The following SPECC1 variants were observed in gnomAD, a reference collection of about 807,000 sequenced individuals.
SPECC1 encodes sperm antigen with calponin homology and coiled-coil domains 1.
Under a neutral mutation model 104.1 loss-of-function variants are expected in SPECC1, and 62 were observed. That is an observed-to-expected ratio of 0.60 (90% CI 0.49 to 0.74). The LOEUF is 0.74. SPECC1 is among the 30% of genes least tolerant of loss of function. The pLI, the probability that SPECC1 is intolerant of heterozygous loss-of-function variation, is 0.00. For synonymous variants in SPECC1, 513 were observed against 501.6 expected (o/e 1.02, Z -0.30); for missense variants, 1,306 against 1,310.5 (o/e 1.00, Z 0.05).
chr17:20,298,037 A>T (rs1464548044), intron 13 of SPECC1, among the ~76,000 whole-genome samples: 1 of 152,182 alleles, frequency 6.6e-6, no homozygotes, highest in East Asian at 1.9e-4. Flanking sequence ...TAGACCAGGG[A>T]GACTGCAGCG....
At chr17:20,161,464 T>A (rs1475831273) in intron 3 of SPECC1, among the ~76,000 whole-genome samples, 1 of 151,720 alleles carries the variant, frequency 6.6e-6, no homozygotes, top group East Asian at 1.9e-4. Context: ...GCATCATTTA[T>A]AGGTTAATTC....
At chr17:20,080,390 C>T (rs935272107) in intron 1 of SPECC1, among the ~76,000 whole-genome samples, 1 of 152,074 alleles carries the variant, frequency 6.6e-6, no homozygotes, top group Non-Finnish European at 1.5e-5. Context: ...TGTTTAATTA[C>T]AAGCGTGAGA....
At chr17:20,259,346 G>A (rs1366495074) in intron 11 of SPECC1, among the ~76,000 whole-genome samples, 1 of 152,044 alleles carries the variant, frequency 6.6e-6, no homozygotes, top group African/African-American at 2.4e-5. Context: ...CATACAAAAA[G>A]GCTATATGTA....
chr17:20,300,703 G>C lies in SPECC1; in HGVS notation c.3057+3626G>C, dbSNP rs530410247. 3.5e-3 allele frequency among the ~76,000 whole-genome samples: 540 copies of C among 152,372 alleles called. 4 individuals carry two copies. The highest frequency in any genetic ancestry group is 0.012 in the African/African-American group (509 of 41,586). On this transcript the variant is annotated intron_variant, in intron 13 of 14. Coordinates refer to ENST00000395527, the MANE Select transcript of SPECC1 (RefSeq NM_001243439.2). ...GCGCAGAGGCTCCGCCAGCTGCCCA[G>C]GCCTCCCGCAGCCGTGGCAGCATGC...
chr17:20,152,814 C>T (rs1363375911), intron 3 of SPECC1, among the ~76,000 whole-genome samples: 2 of 152,122 alleles, frequency 1.3e-5, no homozygotes, highest in Non-Finnish European at 2.9e-5. Flanking sequence ...ACTAGAGGCA[C>T]GTGCCACCAC....
At chr17:20,110,672 C>T in intron 3 of SPECC1, 110 bp downstream of exon 3, 1 of 1,288,596 alleles carries the variant, frequency 7.8e-7, no homozygotes, top group African/African-American at 1.5e-5. Flanking sequence ...TATTTCTTGA[C>T]CACTTACCCT....
intron 1 of SPECC1, among the ~76,000 whole-genome samples, chr17:20,051,104 CTTTCTTTCTTTCTTTCTTTCTTTCTTTCT>C (rs2045744636): frequency 7.9e-6 from 1 of 126,282 alleles, no homozygotes; most frequent in Admixed American, 8.4e-5. Flanking sequence ...TTCTTTCTTT[CTTTCTTTCTTTCTTTCTTTCTTTCTTTCT>C]TTCTTTCCTT....
At chr17:20,051,057 T>C (rs967789438) in intron 1 of SPECC1, among the ~76,000 whole-genome samples, 4 of 135,316 alleles carry the variant, frequency 3.0e-5, no homozygotes, top group African/African-American at 7.8e-5. Context: ...GTTCTTTCTT[T>C]CTTTCTTTCT....
intron 4 of SPECC1, among the ~76,000 whole-genome samples, chr17:20,220,800 T>A (rs1194218784): frequency 6.6e-6 from 1 of 152,168 alleles, no homozygotes. Flanking sequence ...ATTCATATGA[T>A]ACTAGGTGTG....
chr17:20,032,931 C>T (rs568970710), intron 1 of SPECC1, among the ~76,000 whole-genome samples: 29 of 147,448 alleles, frequency 2.0e-4, no homozygotes, highest in East Asian at 1.2e-3. Context: ...TATACACACA[C>T]GCGCGCACAC....
chr17:20,096,899 G>A, intron 2 of SPECC1, 101 bp downstream of exon 2: 1 of 1,438,346 alleles, frequency 7.0e-7, no homozygotes, highest in Non-Finnish European at 9.5e-7. Flanking sequence ...TCGGGGCAGG[G>A]AAGGAGGCTC....
At chr17:20,123,257 A>ATC (rs1286864850) in intron 3 of SPECC1, among the ~76,000 whole-genome samples, 1 of 152,232 alleles carries the variant, frequency 6.6e-6, no homozygotes, top group East Asian at 1.9e-4. Flanking sequence ...GGATCCAAAG[A>ATC]CATGTCACTA....
rs531686890 is a variant in SPECC1 at position 20,252,800 on chromosome 17, G to T, written c.2599-705G>T. Among the ~76,000 whole-genome samples, 3 of 152,218 alleles carry T rather than the reference G, an allele frequency of 2.0e-5. No homozygotes were observed. The East Asian group carries it at 5.8e-4, about 29-fold the overall frequency. Reference sequence around the variant, plus strand: ...ACACTGGGGTTGCTTCCACGTCTTGGCTGTTGTGAATTATGCTGCAATGAG... The same window carrying T: ...ACACTGGGGTTGCTTCCACGTCTTGTCTGTTGTGAATTATGCTGCAATGAG... On this transcript the variant is annotated intron_variant, in intron 9 of 14. Coordinates refer to ENST00000395527, the MANE Select transcript of SPECC1 (RefSeq NM_001243439.2).
intron 13 of SPECC1, among the ~76,000 whole-genome samples, chr17:20,303,590 T>C (rs1337479492): frequency 6.6e-6 from 1 of 151,886 alleles, no homozygotes; most frequent in African/African-American, 2.4e-5. Context: ...GTGGGGGAAA[T>C]GGAAAAGGGT....
chr17:20,169,487 A>G (rs1175560261), intron 3 of SPECC1, among the ~76,000 whole-genome samples: 2 of 152,178 alleles, frequency 1.3e-5, no homozygotes, highest in East Asian at 1.9e-4. Flanking sequence ...TTCACCTTAC[A>G]ATAAACTGTG....
intron 1 of SPECC1, among the ~76,000 whole-genome samples, chr17:20,049,879 A>T (rs2045675026): frequency 2.0e-5 from 3 of 151,860 alleles, no homozygotes; most frequent in Non-Finnish European, 4.4e-5. Flanking sequence ...GCTGGAGTGC[A>T]ATATCTCAGC....
At chr17:20,186,620 G>A (rs187438847) in intron 3 of SPECC1, among the ~76,000 whole-genome samples, 1 of 152,340 alleles carries the variant, frequency 6.6e-6, no homozygotes, top group Admixed American at 6.5e-5. Context: ...CTGAAGTGCA[G>A]TGGTACAATC....
chr17:20,288,728 G>T lies in SPECC1; in HGVS notation c.2941-8233G>T, dbSNP rs1665171646. ...TTAATTGGACTTACAGTTTCACATTGCTGGGGAGGCCTCAGAATCATGGCA... is the reference window on the plus strand; with the variant it reads ...TTAATTGGACTTACAGTTTCACATTTCTGGGGAGGCCTCAGAATCATGGCA... On this transcript the variant is annotated intron_variant, in intron 12 of 14. Transcript: ENST00000395527. 8.7e-5 allele frequency among the ~76,000 whole-genome samples: 13 copies of T among 149,284 alleles called. No individual in the cohort carries two copies. The South Asian group carries it at 2.8e-3, about 32-fold the overall frequency.
intron 1 of SPECC1, chr17:20,095,816 G>A (rs902592186): frequency 2.6e-5 from 4 of 152,784 alleles, no homozygotes; most frequent in African/African-American, 9.6e-5. Flanking sequence ...AGTCCATGGG[G>A]ACAGGCGGAG....
Sources: gnomAD v4.1 joint callset for allele counts (sites outside exome capture counted in the v4.1 genomes callset) on GRCh38, gnomAD v4.1.1 for gene constraint, MANE v1.5 for transcripts, NCBI Gene and HGNC (gene_info 2026-07-23, HGNC 2026-07-21) for gene names.